The following ANXA8 variants were observed in gnomAD, a reference collection of about 807,000 sequenced individuals.
ANXA8 encodes the protein VAC-beta.
A neutral mutation model predicts 26.8 loss-of-function variants in ANXA8; 9 were observed. The ratio of observed to expected loss-of-function variants is 0.34; its 90% confidence interval spans 0.20 to 0.59. The LOEUF (loss-of-function observed/expected upper bound fraction) is 0.59. Ranked by LOEUF, ANXA8 falls within the 20% of genes least tolerant of loss-of-function variation. ANXA8 has a pLI of 0.84. For missense variants in ANXA8, 83 were observed against 238.5 expected (o/e 0.35, Z 4.29); for synonymous variants, 39 against 94.8 (o/e 0.41, Z 3.42).
At chr10:47,631,872 A>C in the ANXA8 span, among the ~76,000 whole-genome samples, 1 of 151,708 alleles carries the variant, frequency 6.6e-6, no homozygotes, top group Non-Finnish European at 1.5e-5. Context: ...TATATTAAAC[A>C]TTTGAGATTG....
At chr10:47,618,243 G>C in the ANXA8 span, among the ~76,000 whole-genome samples, 2 of 108,242 alleles carry the variant, frequency 1.8e-5, no homozygotes, top group Non-Finnish European at 4.0e-5. Flanking sequence ...CTTTTGGGCA[G>C]GGTCAAGTAT....
At chr10:47,495,932 G>T in the ANXA8 span, among the ~76,000 whole-genome samples, 18 of 151,604 alleles carry the variant, frequency 1.2e-4, no homozygotes, top group African/African-American at 3.7e-4. Flanking sequence ...TGAAGAAGGA[G>T]CAGGTGGTGC....
chr10:47,569,430 T>TCCTGGTTCTACTATCTTGTTTTTATAA, the ANXA8 span, among the ~76,000 whole-genome samples: 1 of 111,116 alleles, frequency 9.0e-6, no homozygotes, highest in Non-Finnish European at 1.9e-5. Flanking sequence ...GGAATTTGAG[T>TCCTGGTTCTACTATCTTGTTTTTATAA]CCTGGTTCTA....
the ANXA8 span, among the ~76,000 whole-genome samples, chr10:47,581,823 T>A: frequency 6.6e-6 from 1 of 150,682 alleles, no homozygotes; most frequent in African/African-American, 2.5e-5. Context: ...GCCAGGATGG[T>A]CTCAATCTCC....
chr10:47,726,283 TA>T, the ANXA8 span, among the ~76,000 whole-genome samples: 1 of 130,882 alleles, frequency 7.6e-6, no homozygotes, highest in South Asian at 2.7e-4. Flanking sequence ...AGCACATGTG[TA>T]TCCCTTTCTT....
At chr10:47,651,243 C>T in the ANXA8 span, among the ~76,000 whole-genome samples, 3 of 149,356 alleles carry the variant, frequency 2.0e-5, no homozygotes, top group Admixed American at 6.7e-5. Context: ...GATACCAATT[C>T]ACACCCACTA....
chr10:47,606,910 AT>A, the ANXA8 span, among the ~76,000 whole-genome samples: 8 of 152,278 alleles, frequency 5.3e-5, no homozygotes, highest in African/African-American at 1.7e-4. Context: ...GCAGTCTAAC[AT>A]TTTCCCTAGT....
At chr10:47,745,631 G>A in the ANXA8 span, among the ~76,000 whole-genome samples, 1 of 125,872 alleles carries the variant, frequency 7.9e-6, no homozygotes, top group African/African-American at 2.7e-5. Context: ...ATGGCATCGA[G>A]GCCCAAAAGC....
At chr10:47,484,261 C>T, upstream of ANXA8, 1 of 680,732 alleles carries the variant, frequency 1.5e-6, no homozygotes, top group Non-Finnish European at 2.7e-6. Flanking sequence ...CCTGCGAAAG[C>T]CCCACTCAGT....
chr10:47,733,233 C>CTCTTTCTTTCTTTCTTTCTTTCTT, the ANXA8 span, among the ~76,000 whole-genome samples: 4 of 59,690 alleles, frequency 6.7e-5, no homozygotes, highest in Non-Finnish European at 1.0e-4. Context: ...CTTTCTTTCT[C>CTCTTTCTTTCTTTCTTTCTTTCTT]TCTTTCTTTC....
At chr10:47,728,916 G>A in the ANXA8 span, among the ~76,000 whole-genome samples, 279 of 152,252 alleles carry the variant, frequency 1.8e-3, no homozygotes, top group East Asian at 0.02. Context: ...CACCATGCCC[G>A]GCTAATTTTG....
chr10:47,700,088 T>A, the ANXA8 span, among the ~76,000 whole-genome samples: 1 of 151,992 alleles, frequency 6.6e-6, no homozygotes, highest in Non-Finnish European at 1.5e-5. Context: ...CTTCCTAAGT[T>A]AATATGTAAA....
At chr10:47,516,748 G>GA in the ANXA8 span, among the ~76,000 whole-genome samples, 2 of 131,960 alleles carry the variant, frequency 1.5e-5, 1 homozygote, top group Non-Finnish European at 3.1e-5. Context: ...TTTGCAGATG[G>GA]AAAATATCTT....
At chr10:47,684,429 G>A in the ANXA8 span, among the ~76,000 whole-genome samples, 11 of 151,402 alleles carry the variant, frequency 7.3e-5, no homozygotes, top group Non-Finnish European at 1.5e-4. Flanking sequence ...TTTTTGGGGG[G>A]GGGGTGAGGA....
Position 47,469,763 on chromosome 10 carries a change from C to T in ANXA8, c.925-857G>A, listed in dbSNP as rs1359771528. On this transcript the variant is annotated intron_variant, in intron 11 of 11. Transcript: ENST00000585281. ...GGTAGACTGGGGCTAGACCCACTTT[C>T]CACACTCTGGACCAGTTTAGGTCTC... Among the ~76,000 whole-genome samples the T allele has an allele frequency of 4.6e-4, 69 of 151,590 alleles. 2 individuals are homozygous for T. Among genetic ancestry groups the T allele is most frequent in the Non-Finnish European group, 8.1e-4 (55 of 67,992 alleles).
At chr10:47,694,640 C>T in the ANXA8 span, among the ~76,000 whole-genome samples, 1 of 151,706 alleles carries the variant, frequency 6.6e-6, no homozygotes, top group Admixed American at 6.6e-5. Context: ...GGGCTGGTCT[C>T]GAACTCCTGA....
At chr10:47,607,524 T>C in the ANXA8 span, among the ~76,000 whole-genome samples, 3 of 146,898 alleles carry the variant, frequency 2.0e-5, no homozygotes, top group Non-Finnish European at 3.0e-5. Context: ...TGGCATAACA[T>C]TGTACAATCA....
the ANXA8 span, among the ~76,000 whole-genome samples, chr10:47,668,605 T>C: frequency 3.7e-4 from 56 of 151,650 alleles, 1 homozygote; most frequent in African/African-American, 1.3e-3. Flanking sequence ...ATTCCTTTTA[T>C]TTATTTATTT....
chr10:47,958,860 C>G, the ANXA8 span, among the ~76,000 whole-genome samples: 2 of 149,838 alleles, frequency 1.3e-5, no homozygotes, highest in African/African-American at 2.5e-5. Context: ...ATCATGAGAA[C>G]AGCATGGGGG....
Sources: gnomAD v4.1 joint callset for allele counts (sites outside exome capture counted in the v4.1 genomes callset) on GRCh38, gnomAD v4.1.1 for gene constraint, MANE v1.5 for transcripts, NCBI Gene and HGNC (gene_info 2026-07-23, HGNC 2026-07-21) for gene names.